KCNMB2: variants seen among roughly 807,000 people sequenced by gnomAD.
The protein encoded by KCNMB2 is potassium calcium-activated channel subfamily M regulatory beta subunit 2.
KCNMB2 carries 9 observed loss-of-function variants against 24.5 expected under a neutral mutation model. The ratio of observed to expected loss-of-function variants is 0.37; its 90% CI spans 0.22 to 0.64. The LOEUF is 0.64. Ranked by LOEUF, KCNMB2 falls within the 30% of genes least tolerant of loss-of-function variation. The probability of loss-of-function intolerance (pLI) is 0.63; values close to 1 mark genes in which losing one functional copy is unlikely to be tolerated. For synonymous variants in KCNMB2, 109 were observed against 104.4 expected (o/e 1.04, Z -0.27); for missense variants, 226 against 284.3 (o/e 0.79, Z 1.47).
At chr3:178,650,482 T>C (rs1038271298) in intron 1 of KCNMB2, among the ~76,000 whole-genome samples, 1 of 152,120 alleles carries the variant, frequency 6.6e-6, no homozygotes, top group African/African-American at 2.4e-5. Context: ...TACGTCTTTT[T>C]GTAGGTGTCT....
At chr3:178,593,337 T>C (rs1341697004) in intron 1 of KCNMB2, among the ~76,000 whole-genome samples, 1 of 152,082 alleles carries the variant, frequency 6.6e-6, no homozygotes, top group East Asian at 1.9e-4. Context: ...AAGTCATATA[T>C]CACCTGACTC....
intron 1 of KCNMB2, among the ~76,000 whole-genome samples, chr3:178,753,247 A>G (rs1350122574): frequency 6.6e-6 from 1 of 152,052 alleles, no homozygotes; most frequent in Non-Finnish European, 1.5e-5. Flanking sequence ...ACACTCTAAC[A>G]CTCATTCATT....
At chr3:178,821,541 T>C (rs1714626392) in intron 2 of KCNMB2, among the ~76,000 whole-genome samples, 1 of 152,218 alleles carries the variant, frequency 6.6e-6, no homozygotes, top group African/African-American at 2.4e-5. Flanking sequence ...GGTGGCCCTC[T>C]GACTGGCCTA....
chr3:178,774,639 A>G (rs1269526117), intron 1 of KCNMB2, among the ~76,000 whole-genome samples: 1 of 152,206 alleles, frequency 6.6e-6, no homozygotes, highest in African/African-American at 2.4e-5. Flanking sequence ...AAAAGCACAC[A>G]CTGAGGGCAC....
intron 1 of KCNMB2, among the ~76,000 whole-genome samples, chr3:178,604,925 T>C (rs1240459584): frequency 1.3e-5 from 2 of 152,204 alleles, no homozygotes; most frequent in African/African-American, 2.4e-5. Flanking sequence ...ATTATACTCA[T>C]AACTGTGATA....
chr3:178,546,998 C>T (rs184810399), intron 1 of KCNMB2, among the ~76,000 whole-genome samples: 9 of 152,186 alleles, frequency 5.9e-5, no homozygotes, highest in Admixed American at 1.3e-4. Flanking sequence ...CCAATGTTCA[C>T]GTGACAGAAA....
intron 2 of KCNMB2, among the ~76,000 whole-genome samples, chr3:178,815,656 T>C (rs1232164677): frequency 6.6e-6 from 1 of 152,170 alleles, no homozygotes; most frequent in Admixed American, 6.5e-5. Context: ...GTATCAAGTT[T>C]ACTATAGGTA....
intron 1 of KCNMB2, among the ~76,000 whole-genome samples, chr3:178,603,750 C>T (rs1461873824): frequency 1.3e-5 from 2 of 152,096 alleles, no homozygotes; most frequent in Non-Finnish European, 2.9e-5. Flanking sequence ...GTATTCTAGG[C>T]AGTGGAGGGT....
chr3:178,539,825 G>C (rs1357752248), intron 1 of KCNMB2, among the ~76,000 whole-genome samples: 1 of 151,894 alleles, frequency 6.6e-6, no homozygotes, highest in East Asian at 1.9e-4. Context: ...ATCTCCTGCT[G>C]GTTCCTTATT....
At chr3:178,756,333 T>C (rs1724039741) in intron 1 of KCNMB2, among the ~76,000 whole-genome samples, 1 of 151,940 alleles carries the variant, frequency 6.6e-6, no homozygotes, top group Non-Finnish European at 1.5e-5. Flanking sequence ...TTATTTATGT[T>C]ATGTAAAGTT....
rs542917074 is a variant in KCNMB2, at chr3:178,606,562, T to C, written c.-68+69851T>C. ...ACATAATTTGTTTGGTTTCACAAGC[T>C]CACAGCTGGAGAGCAATTTGTCTCT... On this transcript the variant is annotated intron_variant, in intron 1 of 4. Coordinates refer to ENST00000452583, the MANE Select transcript of KCNMB2 (RefSeq NM_181361.3). Among the ~76,000 whole-genome samples the C allele has an allele frequency of 2.6e-5, 4 of 151,956 alleles. No homozygotes were observed. In the South Asian group the frequency reaches 6.2e-4, roughly 24 times the overall value.
At chr3:178,692,250 AG>A (rs1721707580) in intron 1 of KCNMB2, among the ~76,000 whole-genome samples, 1 of 152,216 alleles carries the variant, frequency 6.6e-6, no homozygotes, top group Non-Finnish European at 1.5e-5. Context: ...TAATTTAATT[AG>A]ATCTCATTTG....
rs1265304473 is a variant in KCNMB2, at chr3:178,758,658, A to ATATATC, written c.-67-48684_-67-48683insATATCT. 3.4e-5 allele frequency among the ~76,000 whole-genome samples: 2 copies of ATATATC among 58,704 alleles called. 1 individual carries two copies. Among genetic ancestry groups the ATATATC allele is most frequent in the African/African-American group, 1.1e-4 (2 of 17,496 alleles). 38.5% of individuals were successfully genotyped at this position (58,704 alleles called of 152,430 possible). On this transcript the variant is annotated intron_variant, in intron 1 of 4. Coordinates refer to ENST00000452583, the MANE Select transcript of KCNMB2 (RefSeq NM_181361.3). ...TCTCTCTCCAAGAGGATATATATAT[A>ATATATC]TCTCTCTCCAAGAGGATATATATAT...
chr3:178,774,005 A>G (rs190202274), intron 1 of KCNMB2, among the ~76,000 whole-genome samples: 3 of 152,316 alleles, frequency 2.0e-5, no homozygotes, highest in Admixed American at 1.3e-4. Flanking sequence ...AGGTCTGAGC[A>G]TTGGTGTCTG....
intron 1 of KCNMB2, among the ~76,000 whole-genome samples, chr3:178,674,279 T>C (rs1720999582): frequency 6.6e-6 from 1 of 152,194 alleles, no homozygotes; most frequent in South Asian, 2.1e-4. Flanking sequence ...TTTTTATATT[T>C]CTACTCTGGA....
chr3:178,752,004 GA>G (rs1266891866), intron 1 of KCNMB2, among the ~76,000 whole-genome samples: 1 of 152,196 alleles, frequency 6.6e-6, no homozygotes, highest in Non-Finnish European at 1.5e-5. Flanking sequence ...CCCAAATACA[GA>G]AGCAAACTCA....
At chr3:178,630,451 G>A (rs1719278723) in intron 1 of KCNMB2, among the ~76,000 whole-genome samples, 1 of 152,224 alleles carries the variant, frequency 6.6e-6, no homozygotes, top group African/African-American at 2.4e-5. Context: ...GGACTGTCAA[G>A]TTCTGTTTCT....
rs752125926 is a variant in KCNMB2 at position 178,807,361 on chromosome 3, C to T, written c.-49C>T. ...CTTCTAGGTCTTTTTGCCATTCCTCCAGGACATCCACCATAAGGAAAGGAG... is the reference window on the plus strand; with the variant it reads ...CTTCTAGGTCTTTTTGCCATTCCTCTAGGACATCCACCATAAGGAAAGGAG... On this transcript the variant is annotated 5_prime_UTR_variant, in exon 2 of 5. Transcript: ENST00000452583. 11 of 1,540,936 alleles carry T rather than the reference C, an allele frequency of 7.1e-6. No individual in the cohort carries two copies. Among genetic ancestry groups the T allele is most frequent in the Non-Finnish European group, 9.9e-6 (11 of 1,116,218 alleles).
intron 1 of KCNMB2, 104 bp downstream of exon 1, chr3:178,536,815 C>A (rs1044058018): frequency 6.5e-6 from 1 of 152,770 alleles, no homozygotes; most frequent in African/African-American, 2.4e-5. Flanking sequence ...GAGTGAGAAG[C>A]AGCAAGAGGA....
Sources: gnomAD v4.1 joint callset for allele counts (sites outside exome capture counted in the v4.1 genomes callset) on GRCh38, gnomAD v4.1.1 for gene constraint, MANE v1.5 for transcripts, NCBI Gene and HGNC (gene_info 2026-07-23, HGNC 2026-07-21) for gene names.